Variants in LINC00632 observed in about 807,000 individuals in gnomAD.
The protein encoded by LINC00632 is ALDOA related specific transcript.
intron 2 of LINC00632, among the ~76,000 whole-genome samples, chrX:140,715,474 A>G (rs998468527): frequency 9.0e-6 from 1 of 110,549 alleles, no homozygotes; most frequent in Non-Finnish European, 1.9e-5. Context: ...ACATGCTTGT[A>G]GTCCCAGCTA....
chrX:140,762,169 G>A (rs1446154015), intron 3 of LINC00632, among the ~76,000 whole-genome samples: 1 of 107,925 alleles, frequency 9.3e-6, no homozygotes, highest in African/African-American at 3.4e-5. Flanking sequence ...ATCACTGTCT[G>A]AGGTCCTACA....
intron 3 of LINC00632, among the ~76,000 whole-genome samples, chrX:140,768,657 TAATA>T (rs1440694285): frequency 1.0e-5 from 1 of 95,493 alleles, no homozygotes; most frequent in Non-Finnish European, 2.0e-5. Flanking sequence ...TTATTATATA[TAATA>T]AATCTATAAT....
rs965940202 is a variant in LINC00632, at chrX:140,788,604, A to G, written n.16623A>G. 5.8e-4 allele frequency among the ~76,000 whole-genome samples: 63 copies of G among 109,242 alleles called. 1 individual carries two copies. The highest frequency in any genetic ancestry group is 7.4e-4 in the Non-Finnish European group (39 of 52,393). 94.9% of individuals were successfully genotyped at this position (109,242 alleles called of 115,157 possible). ...GTTTTTATTGATATAGGAAAATACAATATTATATTTATTGAAAAACAAGCT... is the reference window on the plus strand; with the variant it reads ...GTTTTTATTGATATAGGAAAATACAGTATTATATTTATTGAAAAACAAGCT... On this transcript the variant is annotated non_coding_transcript_exon_variant, in exon 5 of 5. Coordinates refer to ENST00000648200, the Ensembl canonical transcript of LINC00632.
At chrX:140,752,005 G>A (rs1033833841) in intron 3 of LINC00632, among the ~76,000 whole-genome samples, 1 of 111,423 alleles carries the variant, frequency 9.0e-6, no homozygotes, top group Non-Finnish European at 1.9e-5. Context: ...CCTTGGTGAT[G>A]ATTATCTTAG....
intron 3 of LINC00632, among the ~76,000 whole-genome samples, chrX:140,760,498 C>T (rs1356715529): frequency 1.8e-5 from 2 of 111,343 alleles, no homozygotes; most frequent in African/African-American, 3.3e-5. Context: ...AGGCCGGGCG[C>T]GGTGGCTCAC....
intron 3 of LINC00632, among the ~76,000 whole-genome samples, chrX:140,754,994 T>C (rs759837037): frequency 9.0e-6 from 1 of 111,697 alleles, no homozygotes; most frequent in African/African-American, 3.2e-5. Context: ...TTCCTAGTTG[T>C]CCTCTTGATT....
At chrX:140,787,324 C>G (rs1393071631) in exon 5 of LINC00632, among the ~76,000 whole-genome samples, 1 of 111,569 alleles carries the variant, frequency 9.0e-6, no homozygotes. Context: ...CTTTCTTACA[C>G]TTAATAAATT....
intron 3 of LINC00632, among the ~76,000 whole-genome samples, chrX:140,771,749 G>A (rs1479672547): frequency 2.0e-5 from 2 of 98,213 alleles, no homozygotes; most frequent in Non-Finnish European, 4.1e-5. Flanking sequence ...GTGTGATCTC[G>A]GCTCACTGCA....
chrX:140,719,265 C>T (rs1983368157), intron 2 of LINC00632, among the ~76,000 whole-genome samples: 1 of 111,185 alleles, frequency 9.0e-6, no homozygotes, highest in South Asian at 3.9e-4. Context: ...CCAGATGTGA[C>T]CCAAAACACA....
At chrX:140,716,792 CACACACACACACACACACACACAG>C (rs1569347007) in intron 2 of LINC00632, among the ~76,000 whole-genome samples, 1 of 107,446 alleles carries the variant, frequency 9.3e-6, no homozygotes, top group African/African-American at 3.5e-5. Flanking sequence ...CACACACACA[CACACACACACACACACACACACAG>C]ACACACACAC....
At chrX:140,762,237 G>GAA (rs1247610181) in intron 3 of LINC00632, among the ~76,000 whole-genome samples, 2 of 108,678 alleles carry the variant, frequency 1.8e-5, no homozygotes, top group African/African-American at 6.7e-5. Context: ...GAGAGAGAGA[G>GAA]AGAGAGCACT....
At chrX:140,759,842 G>A (rs888172596) in intron 3 of LINC00632, among the ~76,000 whole-genome samples, 5 of 111,499 alleles carry the variant, frequency 4.5e-5, no homozygotes, top group African/African-American at 1.6e-4. Flanking sequence ...GTCTAACAAG[G>A]GAGCTAAGAC....
exon 4 of LINC00632, among the ~76,000 whole-genome samples, chrX:140,773,171 A>AAAGAAAAGAAGAGAAGAGAAAAGAG (rs1203652778): frequency 9.1e-6 from 1 of 109,969 alleles, no homozygotes. Flanking sequence ...TGTCTCAAAA[A>AAAGAAAAGAAGAGAAGAGAAAAGAG]AAGAAAAGAA....
intron 3 of LINC00632, among the ~76,000 whole-genome samples, chrX:140,742,400 C>T (rs1043368813): frequency 9.0e-6 from 1 of 111,202 alleles, no homozygotes; most frequent in African/African-American, 3.3e-5. Context: ...AAGTGACTTT[C>T]CTATTGGCAA....
At chrX:140,729,862 CTTCTT>C (rs950155567) in intron 2 of LINC00632, among the ~76,000 whole-genome samples, 4 of 107,025 alleles carry the variant, frequency 3.7e-5, no homozygotes, top group African/African-American at 6.9e-5. Flanking sequence ...ATATATGCCT[CTTCTT>C]TTCTTTTTTC....
chrX:140,768,737 AAT>A (rs1011046120), intron 3 of LINC00632, among the ~76,000 whole-genome samples: 1 of 98,884 alleles, frequency 1.0e-5, no homozygotes, highest in South Asian at 4.2e-4. Context: ...TATATAATTA[AAT>A]ATATAACATA....
intron 3 of LINC00632, among the ~76,000 whole-genome samples, chrX:140,757,178 A>G (rs1454490980): frequency 8.9e-6 from 1 of 111,773 alleles, no homozygotes; most frequent in African/African-American, 3.3e-5. Context: ...GATCCATTGG[A>G]ACTCAGCCTA....
intron 2 of LINC00632, among the ~76,000 whole-genome samples, chrX:140,730,497 G>A (rs1931039693): frequency 1.8e-5 from 2 of 110,194 alleles, no homozygotes; most frequent in Admixed American, 1.9e-4. Flanking sequence ...CCACTACACA[G>A]AGACATGTCA....
chrX:140,712,549 G>A (rs1034864615), intron 2 of LINC00632, among the ~76,000 whole-genome samples: 1 of 109,258 alleles, frequency 9.2e-6, no homozygotes, highest in African/African-American at 3.3e-5. Flanking sequence ...TTGCCAGCCT[G>A]TTGCTGGCCG....
Sources: gnomAD v4.1 joint callset for allele counts (sites outside exome capture counted in the v4.1 genomes callset) on GRCh38, gnomAD v4.1.1 for gene constraint, MANE v1.5 for transcripts, NCBI Gene and HGNC (gene_info 2026-07-23, HGNC 2026-07-21) for gene names.